Variants in ERI3 observed in about 807,000 individuals in gnomAD.
ERI3 encodes ERI1 exoribonuclease 3.
In ERI3, 18 loss-of-function variants were observed where a neutral mutation model predicts 44.4. The ratio of observed to expected loss-of-function variants is 0.41; its 90% CI spans 0.28 to 0.60. ERI3 has a LOEUF of 0.60. Ranked by LOEUF, ERI3 falls within the 20% of genes least tolerant of loss-of-function variation. ERI3 has a pLI of 0.36. For missense variants in ERI3, 294 were observed against 435.5 expected (o/e 0.68, Z 2.89); for synonymous variants, 183 against 164.8 (o/e 1.11, Z -0.84).
intron 3 of ERI3, among the ~76,000 whole-genome samples, chr1:44,321,498 G>A (rs1213043605): frequency 2.0e-5 from 3 of 152,110 alleles, no homozygotes; most frequent in Non-Finnish European, 4.4e-5. Context: ...AGAGTAAATG[G>A]GGGTTTGGAA....
chr1:44,276,293 G>A (rs186254641), intron 7 of ERI3, among the ~76,000 whole-genome samples: 4 of 152,358 alleles, frequency 2.6e-5, no homozygotes, highest in East Asian at 3.9e-4. Context: ...AGGCCCAGGC[G>A]TCAGAGGGAA....
intron 5 of ERI3, among the ~76,000 whole-genome samples, chr1:44,310,818 C>T (rs185360721): frequency 1.4e-4 from 21 of 152,052 alleles, no homozygotes; most frequent in Admixed American, 3.9e-4. Flanking sequence ...CATGTGGTCT[C>T]TAAACCCTCT....
At chr1:44,340,544 G>A (rs1444574924) in intron 2 of ERI3, among the ~76,000 whole-genome samples, 2 of 152,194 alleles carry the variant, frequency 1.3e-5, no homozygotes, top group Non-Finnish European at 2.9e-5. Flanking sequence ...CAAAGGCAAT[G>A]AGGCCACTAC....
rs528488998 is a variant in ERI3 at position 44,324,006 on chromosome 1, G to A, written c.490-4262C>T. Among the ~76,000 whole-genome samples the A allele has an allele frequency of 2.2e-3, 340 of 152,326 alleles. 1 individual carries two copies. Among genetic ancestry groups the A allele is most frequent in the South Asian group, 3.7e-3 (18 of 4,826 alleles). ...AAGAGCAATGAATGTGGACTCTCCA[G>A]GCAGAAAAGTTCTAGAGTTTGCTAC... On this transcript the variant is annotated intron_variant, in intron 3 of 8. Coordinates refer to ENST00000372257, the MANE Select transcript of ERI3 (RefSeq NM_024066.3).
intron 6 of ERI3, among the ~76,000 whole-genome samples, chr1:44,291,787 G>A (rs1390081112): frequency 5.9e-5 from 9 of 152,238 alleles, no homozygotes; most frequent in Non-Finnish European, 1.3e-4. Flanking sequence ...AGGCAAAACA[G>A]CAAGGAGGAG....
intron 7 of ERI3, among the ~76,000 whole-genome samples, chr1:44,271,537 C>T (rs971939902): frequency 6.6e-6 from 1 of 152,226 alleles, no homozygotes; most frequent in Non-Finnish European, 1.5e-5. Flanking sequence ...GACTCAAATA[C>T]TTACTCTATC....
intron 8 of ERI3, 34 bp downstream of exon 8, chr1:44,247,905 T>C: frequency 5.7e-6 from 9 of 1,568,164 alleles, no homozygotes; most frequent in Non-Finnish European, 7.0e-6. Flanking sequence ...GGACGATGGA[T>C]GGAGCTGCCG....
intron 3 of ERI3, among the ~76,000 whole-genome samples, chr1:44,328,299 G>A (rs1016238616): frequency 1.4e-5 from 2 of 142,204 alleles, no homozygotes; most frequent in Non-Finnish European, 3.0e-5. Context: ...TAAGCAGGCA[G>A]GAATCACTCC....
intron 2 of ERI3, among the ~76,000 whole-genome samples, chr1:44,342,168 C>T (rs1195198567): frequency 3.3e-5 from 5 of 152,078 alleles, no homozygotes; most frequent in Admixed American, 3.3e-4. Context: ...GGGACACTGT[C>T]AGAGCCCAGG....
chr1:44,238,791 G>T (rs1644366726), intron 8 of ERI3, among the ~76,000 whole-genome samples: 1 of 151,860 alleles, frequency 6.6e-6, no homozygotes, highest in East Asian at 1.9e-4. Flanking sequence ...AAAAGGAAGT[G>T]ATCCCACAGC....
chr1:44,239,793 G>A (rs1195301472), intron 8 of ERI3, among the ~76,000 whole-genome samples: 1 of 152,226 alleles, frequency 6.6e-6, no homozygotes, highest in African/African-American at 2.4e-5. Flanking sequence ...AGAGGAGGGA[G>A]AGGAGGGAGA....
chr1:44,312,400 T>A (rs1367294543), intron 5 of ERI3, among the ~76,000 whole-genome samples: 1 of 152,118 alleles, frequency 6.6e-6, no homozygotes, highest in East Asian at 1.9e-4. Context: ...CTTCTCCCCC[T>A]GTGAAAACCT....
chr1:44,251,881 C>T (rs758077215), intron 7 of ERI3, among the ~76,000 whole-genome samples: 4 of 152,190 alleles, frequency 2.6e-5, no homozygotes, highest in Non-Finnish European at 5.9e-5. Flanking sequence ...CCTCTCCTGC[C>T]AGCTTGGGGG....
At chr1:44,300,206 T>C (rs1264742191) in intron 6 of ERI3, among the ~76,000 whole-genome samples, 1 of 152,210 alleles carries the variant, frequency 6.6e-6, no homozygotes, top group Non-Finnish European at 1.5e-5. Context: ...CTTGAACATC[T>C]TGAAGCCTGA....
intron 7 of ERI3, among the ~76,000 whole-genome samples, chr1:44,262,986 T>C (rs1231587817): frequency 1.3e-5 from 2 of 152,180 alleles, no homozygotes; most frequent in African/African-American, 4.8e-5. Context: ...CCCAGTCACA[T>C]TTCCACTTGG....
At chr1:44,282,262 C>T (rs978985480) in intron 7 of ERI3, among the ~76,000 whole-genome samples, 2 of 152,098 alleles carry the variant, frequency 1.3e-5, no homozygotes, top group Non-Finnish European at 2.9e-5. Context: ...TGCTCACTCA[C>T]TAGGCAAGTC....
intron 7 of ERI3, among the ~76,000 whole-genome samples, chr1:44,256,410 C>T (rs1482257002): frequency 6.6e-6 from 1 of 152,178 alleles, no homozygotes; most frequent in East Asian, 1.9e-4. Flanking sequence ...CCAGCAGAGG[C>T]TTGACCCGCA....
intron 1 of ERI3, 123 bp from the exon 2 acceptor site, chr1:44,353,048 A>G (rs931348879): frequency 3.5e-5 from 53 of 1,531,700 alleles, no homozygotes; most frequent in Admixed American, 6.1e-5. Flanking sequence ...CTATGTGCAA[A>G]GACAGTGCCC....
intron 7 of ERI3, among the ~76,000 whole-genome samples, chr1:44,274,659 A>C (rs1645147394): frequency 6.6e-6 from 1 of 152,218 alleles, no homozygotes; most frequent in African/African-American, 2.4e-5. Flanking sequence ...GATGTTGCAG[A>C]GAATGGGATG....
Sources: allele counts gnomAD v4.1 joint callset (sites outside exome capture counted in the v4.1 genomes callset), GRCh38; gene constraint gnomAD v4.1.1; transcripts MANE v1.5; gene names NCBI Gene and HGNC (gene_info 2026-07-23, HGNC 2026-07-21).